NMRK1: variants seen among roughly 807,000 people sequenced by gnomAD.
NMRK1 encodes the protein nicotinamide riboside kinase 1.
A neutral mutation model predicts 29.9 loss-of-function variants in NMRK1; 28 were observed. That is an observed-to-expected ratio of 0.94 (90% CI 0.69 to 1.28). The LOEUF is 1.28. NMRK1 is among the 50% of genes most tolerant of loss of function. The pLI is 0.00. For synonymous variants in NMRK1, 58 were observed against 73.0 expected, an observed-to-expected ratio of 0.79 and a Z score of 1.05; for missense variants, 218 against 233.1, an observed-to-expected ratio of 0.94 and a Z score of 0.42.
At chr9:75,069,382 A>G in intron 6 of NMRK1, 1 of 473,806 alleles carries the variant, frequency 2.1e-6, no homozygotes, top group Non-Finnish European at 3.7e-6. Context: ...AATAGTGTAA[A>G]TAACAATGGA....
intron 4 of NMRK1, among the ~76,000 whole-genome samples, chr9:75,076,495 A>C (rs1164974722): frequency 5.9e-5 from 9 of 152,240 alleles, no homozygotes; most frequent in Non-Finnish European, 1.0e-4. Flanking sequence ...TACACTTAAG[A>C]TTGGTAAAGA....
rs773158 is a variant in NMRK1 at position 75,061,130 on chromosome 9, G to T, written c.*418C>A. ...CAATGTCTTGTGATACTTGATGTAT[G>T]TATGTATCACACACACACATACACA... is the stretch of plus-strand genomic sequence containing the variant. On this transcript the variant is annotated 3_prime_UTR_variant, in exon 9 of 9. Transcript: ENST00000361092. 1,760 of 167,632 alleles carry T rather than the reference G, an allele frequency of 0.01. 31 individuals are homozygous for T. Among genetic ancestry groups the T allele is most frequent in the African/African-American group, 0.04 (1,663 of 41,946 alleles). 10.4% of individuals were successfully genotyped at this position (167,632 alleles called of 1,614,324 possible).
chr9:75,067,890 A>G (rs4745377), intron 7 of NMRK1, among the ~76,000 whole-genome samples: 143,488 of 152,062 alleles, frequency 0.94, 67,781 homozygotes, highest in East Asian at 1. Context: ...AAAAGCATAC[A>G]TCAGTTCTAA....
intron 8 of NMRK1, among the ~76,000 whole-genome samples, chr9:75,065,600 TG>T (rs1322307398): frequency 6.6e-6 from 1 of 152,168 alleles, no homozygotes; most frequent in Non-Finnish European, 1.5e-5. Flanking sequence ...ATTATAAACG[TG>T]AGCCATTGCA....
intron 1 of NMRK1, among the ~76,000 whole-genome samples, chr9:75,084,537 C>T (rs1301406763): frequency 1.3e-5 from 2 of 152,190 alleles, no homozygotes; most frequent in Non-Finnish European, 2.9e-5. Context: ...GCCTATAATC[C>T]CAGCACTTTG....
intron 8 of NMRK1, among the ~76,000 whole-genome samples, chr9:75,065,971 TCAGG>T (rs1224040085): frequency 6.6e-6 from 1 of 152,186 alleles, no homozygotes; most frequent in African/African-American, 2.4e-5. Context: ...TCAACAGACA[TCAGG>T]TCAGTGGAGA....
intron 2 of NMRK1, 186 bp downstream of exon 2, chr9:75,082,901 T>C: frequency 6.9e-6 from 4 of 581,646 alleles, no homozygotes; most frequent in Non-Finnish European, 1.2e-5. Context: ...TCTCTGTTTA[T>C]AGAAAACTCT....
chr9:75,076,572 C>T (rs1208329506), intron 4 of NMRK1, among the ~76,000 whole-genome samples: 1 of 152,106 alleles, frequency 6.6e-6, no homozygotes, highest in Non-Finnish European at 1.5e-5. Context: ...TCAGTGTTTT[C>T]AGTTTTATTA....
At chr9:75,061,690 T>A (rs996238797) in intron 8 of NMRK1, 123 bp from the exon 9 acceptor site, 3 of 752,570 alleles carry the variant, frequency 4.0e-6, no homozygotes, top group Non-Finnish European at 6.6e-6. Context: ...CCAAAAATGC[T>A]GGTTTCCTGT....
At chr9:75,077,299 C>G (rs1824050890) in intron 3 of NMRK1, 92 bp from the exon 4 acceptor site, 1 of 972,480 alleles carries the variant, frequency 1.0e-6, no homozygotes, top group Non-Finnish European at 1.6e-6. Context: ...TTAATAAATG[C>G]TTTGGATGAT....
intron 8 of NMRK1, among the ~76,000 whole-genome samples, chr9:75,063,927 A>G (rs1341152002): frequency 6.6e-6 from 1 of 152,102 alleles, no homozygotes; most frequent in Non-Finnish European, 1.5e-5. Context: ...GAGGTAAGAA[A>G]AGCTGATGTA....
chr9:75,077,310 C>A, intron 3 of NMRK1, 103 bp from the exon 4 acceptor site: 12 of 935,268 alleles, frequency 1.3e-5, no homozygotes, highest in Non-Finnish European at 2.0e-5. Flanking sequence ...TTTGGATGAT[C>A]AAAGAAAGAT....
At chr9:75,071,649 T>C (rs942530917) in intron 4 of NMRK1, among the ~76,000 whole-genome samples, 1 of 152,234 alleles carries the variant, frequency 6.6e-6, no homozygotes, top group African/African-American at 2.4e-5. Flanking sequence ...TGTTCTGGTA[T>C]AGCTTGCAGG....
intron 8 of NMRK1, among the ~76,000 whole-genome samples, chr9:75,064,569 C>T (rs1823229797): frequency 6.6e-6 from 1 of 152,158 alleles, no homozygotes; most frequent in Admixed American, 6.5e-5. Flanking sequence ...ATTCTACTTG[C>T]AAGAAGAAAA....
At chr9:75,083,184 G>T in intron 1 of NMRK1, 34 bp from the exon 2 acceptor site, 1 of 1,119,000 alleles carries the variant, frequency 8.9e-7, no homozygotes, top group Non-Finnish European at 1.4e-6. Context: ...CAAATCAAAT[G>T]CATTTCATTT....
chr9:75,079,219 C>T (rs112973317), intron 2 of NMRK1, among the ~76,000 whole-genome samples: 63 of 152,296 alleles, frequency 4.1e-4, no homozygotes, highest in Admixed American at 1.4e-3. Context: ...TGTAACCTTA[C>T]GATATACAAT....
chr9:75,068,503 T>A (rs1330390137), intron 7 of NMRK1, among the ~76,000 whole-genome samples: 1 of 152,320 alleles, frequency 6.6e-6, no homozygotes, highest in East Asian at 1.9e-4. Context: ...ACACCCACTT[T>A]CTGGGGTAAT....
rs772318277 is a variant in NMRK1, at chr9:75,069,756, A to G, written c.375T>C (p.Cys125=). The G allele has an allele frequency of 6.2e-7, 1 of 1,610,804 alleles. No homozygotes were observed. Among genetic ancestry groups the G allele is most frequent in the South Asian group, 1.1e-5 (1 of 90,252 alleles). Residue 125 remains cysteine, a synonymous_variant, in exon 6 of 9, where the codon TGT becomes TGC. Transcript: ENST00000361092. ...SYFLTIPYEE[C]KRRRSTRVYQ... ...TCAAAACTTACCTCCTCCTCCTTTT[A>G]CATTCTTCATATGGAATAGTCAGGA...
At chr9:75,062,728 C>T (rs1233599558) in intron 8 of NMRK1, among the ~76,000 whole-genome samples, 1 of 152,126 alleles carries the variant, frequency 6.6e-6, no homozygotes, top group Non-Finnish European at 1.5e-5. Context: ...CTCCCTTTTG[C>T]TTTCTATTAA....
Sources: allele counts gnomAD v4.1 joint callset (sites outside exome capture counted in the v4.1 genomes callset), GRCh38; gene constraint gnomAD v4.1.1; transcripts MANE v1.5; gene names NCBI Gene and HGNC (gene_info 2026-07-23, HGNC 2026-07-21).